Variants in RALYL observed in about 807,000 individuals in gnomAD.
RALYL encodes RNA-binding Raly-like protein.
RALYL carries 29 observed loss-of-function variants against 35.1 expected under a neutral mutation model. The ratio of observed to expected loss-of-function variants is 0.83; its 90% CI spans 0.61 to 1.13. The LOEUF is 1.13. Ranked by LOEUF, RALYL falls within the 50% of genes most tolerant of loss-of-function variation. RALYL has a pLI of 0.00. For synonymous variants in RALYL, 120 were observed against 127.6 expected, an observed-to-expected ratio of 0.94 and a Z score of 0.40; for missense variants, 359 against 360.4, an observed-to-expected ratio of 1.00 and a Z score of 0.03.
intron 1 of RALYL, among the ~76,000 whole-genome samples, chr8:84,470,136 G>C (rs541000849): frequency 6.6e-6 from 1 of 152,166 alleles, no homozygotes; most frequent in Non-Finnish European, 1.5e-5. Flanking sequence ...GACAGGAGCT[G>C]TTCCTATTCG....
At chr8:84,718,690 A>G (rs1843337309) in intron 2 of RALYL, among the ~76,000 whole-genome samples, 1 of 151,980 alleles carries the variant, frequency 6.6e-6, no homozygotes, top group African/African-American at 2.4e-5. Flanking sequence ...ACTTGAGCTC[A>G]AGAGGCAGAG....
At chr8:84,573,007 C>A (rs748907009) in intron 2 of RALYL, among the ~76,000 whole-genome samples, 4 of 151,280 alleles carry the variant, frequency 2.6e-5, no homozygotes, top group Admixed American at 6.6e-5. Context: ...ATCTTCAAAT[C>A]CTTTTATTTC....
chr8:84,698,115 C>G (rs1020748195), intron 2 of RALYL, among the ~76,000 whole-genome samples: 1 of 152,086 alleles, frequency 6.6e-6, no homozygotes, highest in Non-Finnish European at 1.5e-5. Flanking sequence ...CACAAACGTA[C>G]ACACTCCAGC....
intron 2 of RALYL, among the ~76,000 whole-genome samples, chr8:84,659,360 T>C (rs1830496986): frequency 6.6e-6 from 1 of 151,976 alleles, no homozygotes; most frequent in Non-Finnish European, 1.5e-5. Flanking sequence ...CTGGCTGCGG[T>C]GTTCCCCATT....
rs752594263 is a variant in RALYL, at chr8:84,219,674, G to C, written c.-24+35250G>C. On this transcript the variant is annotated intron_variant, in intron 1 of 8. Coordinates refer to ENST00000521268, the MANE Select transcript of RALYL (RefSeq NM_173848.7). ...TTCCAGAGAAATGGATGAGAATGCA[G>C]GGTGCAACATAGCATAACTGAGTAA... Among the ~76,000 whole-genome samples, 84 of 151,812 alleles carry C rather than the reference G, an allele frequency of 5.5e-4. 1 individual carries two copies. Among genetic ancestry groups the C allele is most frequent in the Non-Finnish European group, 6.2e-4 (42 of 67,962 alleles).
At chr8:84,799,971 A>C (rs993631402) in intron 3 of RALYL, among the ~76,000 whole-genome samples, 2 of 152,186 alleles carry the variant, frequency 1.3e-5, no homozygotes, top group African/African-American at 4.8e-5. Flanking sequence ...AAAATAAATA[A>C]ATAAATAAAA....
chr8:84,500,840 T>C (rs2056573370), intron 1 of RALYL, among the ~76,000 whole-genome samples: 1 of 152,146 alleles, frequency 6.6e-6, no homozygotes, highest in African/African-American at 2.4e-5. Flanking sequence ...CTGAGTAGAT[T>C]TTGAATCTCA....
chr8:84,551,093 C>T (rs1252852316), intron 2 of RALYL, among the ~76,000 whole-genome samples: 1 of 151,560 alleles, frequency 6.6e-6, no homozygotes, highest in African/African-American at 2.4e-5. Context: ...CTGAATAACT[C>T]TAGTTTTTAA....
At chr8:84,601,504 A>G (rs906822529) in intron 2 of RALYL, among the ~76,000 whole-genome samples, 4 of 152,060 alleles carry the variant, frequency 2.6e-5, no homozygotes, top group African/African-American at 9.7e-5. Context: ...GAAGCCTACT[A>G]ATGGGATTTA....
At chr8:84,394,763 A>C (rs1474745908) in intron 1 of RALYL, among the ~76,000 whole-genome samples, 1 of 151,932 alleles carries the variant, frequency 6.6e-6, no homozygotes, top group Non-Finnish European at 1.5e-5. Context: ...TTGATAGTTC[A>C]CCATTATATG....
chr8:84,241,093 GTACT>G (rs1430096026), intron 1 of RALYL, among the ~76,000 whole-genome samples: 6 of 151,446 alleles, frequency 4.0e-5, no homozygotes, highest in Admixed American at 2.0e-4. Flanking sequence ...TTTTGTTATA[GTACT>G]TACTTTGCTC....
chr8:84,514,523 T>C (rs2057904571), intron 1 of RALYL, among the ~76,000 whole-genome samples: 1 of 152,156 alleles, frequency 6.6e-6, no homozygotes, highest in Admixed American at 6.5e-5. Context: ...ACCTTGAAAG[T>C]TGTGTACTCA....
chr8:84,669,470 A>C (rs1588895153), intron 2 of RALYL, among the ~76,000 whole-genome samples: 10 of 46,620 alleles, frequency 2.1e-4, no homozygotes, highest in South Asian at 1.1e-3. Context: ...TTCAGCCCAC[A>C]TCTTCTCCCT....
At chr8:84,661,644 T>A (rs1460488716) in intron 2 of RALYL, among the ~76,000 whole-genome samples, 4 of 149,182 alleles carry the variant, frequency 2.7e-5, no homozygotes, top group Admixed American at 6.6e-5. Flanking sequence ...TTATTTTTTT[T>A]ATTATACTTT....
chr8:84,738,609 A>G (rs1847741090), intron 2 of RALYL, among the ~76,000 whole-genome samples: 1 of 152,040 alleles, frequency 6.6e-6, no homozygotes, highest in Admixed American at 6.6e-5. Context: ...CTCTGCAGCT[A>G]CATCTTCAGC....
At chr8:84,722,102 C>G (rs773765550) in intron 2 of RALYL, among the ~76,000 whole-genome samples, 28 of 151,926 alleles carry the variant, frequency 1.8e-4, no homozygotes, top group Non-Finnish European at 8.8e-5. Flanking sequence ...TTATTCTCAG[C>G]TTTGGCAAAT....
At chr8:84,590,995 G>T (rs1449257266) in intron 2 of RALYL, among the ~76,000 whole-genome samples, 1 of 151,986 alleles carries the variant, frequency 6.6e-6, no homozygotes, top group Non-Finnish European at 1.5e-5. Flanking sequence ...AATTTTATAA[G>T]ATAAGTAACT....
intron 7 of RALYL, among the ~76,000 whole-genome samples, chr8:84,874,624 G>T (rs1313517798): frequency 6.6e-6 from 1 of 152,170 alleles, no homozygotes; most frequent in African/African-American, 2.4e-5. Context: ...GGTGAGGGTT[G>T]GAGCGTACCC....
chr8:84,520,052 G>A (rs957647321), intron 1 of RALYL, among the ~76,000 whole-genome samples: 1 of 152,182 alleles, frequency 6.6e-6, no homozygotes, highest in Non-Finnish European at 1.5e-5. Context: ...TTTATTAATT[G>A]CTTCATTTCT....
Sources: allele counts gnomAD v4.1 joint callset (sites outside exome capture counted in the v4.1 genomes callset), GRCh38; gene constraint gnomAD v4.1.1; transcripts MANE v1.5; gene names NCBI Gene and HGNC (gene_info 2026-07-23, HGNC 2026-07-21).